Variants in CRYM observed in about 807,000 individuals in gnomAD.
The protein encoded by CRYM is ketimine reductase mu-crystallin.
In CRYM, 18 loss-of-function variants were observed where a neutral mutation model predicts 32.9. That is an observed-to-expected ratio of 0.55 (90% CI 0.38 to 0.81). The LOEUF (loss-of-function observed/expected upper bound fraction) is 0.81, where lower values mean the gene tolerates loss of function less well. Ranked by LOEUF, CRYM falls within the 30% of genes least tolerant of loss-of-function variation. CRYM has a pLI of 0.00. For synonymous variants in CRYM, 153 were observed against 152.4 expected (o/e 1.00, Z -0.03); for missense variants, 337 against 393.5 (o/e 0.86, Z 1.21).
At chr16:21,264,416 A>G (rs2093360183) in intron 5 of CRYM, among the ~76,000 whole-genome samples, 1 of 152,100 alleles carries the variant, frequency 6.6e-6, no homozygotes, top group African/African-American at 2.4e-5. Context: ...GTAAAGAGAG[A>G]GAAGCCTGAC....
upstream of CRYM, among the ~76,000 whole-genome samples, chr16:21,280,799 T>C (rs2093396707): frequency 6.6e-6 from 1 of 152,156 alleles, no homozygotes; most frequent in East Asian, 1.9e-4. Context: ...TCCCCAGCCC[T>C]GCTCAGAGAA....
At chr16:21,287,231 G>A (rs1458644037) in intron 1 of CRYM, among the ~76,000 whole-genome samples, 1 of 152,134 alleles carries the variant, frequency 6.6e-6, no homozygotes, top group Admixed American at 6.5e-5. Context: ...TTTACTCAAA[G>A]TGATAATTCA....
intron 1 of CRYM, among the ~76,000 whole-genome samples, chr16:21,301,718 C>A (rs1029218720): frequency 6.6e-6 from 1 of 152,228 alleles, no homozygotes; most frequent in Non-Finnish European, 1.5e-5. Flanking sequence ...GCGCACTGCG[C>A]GCCCCCAGCC....
At chr16:21,287,859 A>C (rs1439504258) in intron 1 of CRYM, among the ~76,000 whole-genome samples, 2 of 152,152 alleles carry the variant, frequency 1.3e-5, no homozygotes, top group Non-Finnish European at 2.9e-5. Context: ...TAGTTCTGTG[A>C]GTTGTTTTTA....
At chr16:21,296,375 G>T (rs1316833693) in intron 1 of CRYM, among the ~76,000 whole-genome samples, 1 of 152,172 alleles carries the variant, frequency 6.6e-6, no homozygotes, top group Non-Finnish European at 1.5e-5. Flanking sequence ...ACTTGTCAGG[G>T]AGAAATAAGG....
chr16:21,301,925 C>T (rs1960952428), intron 1 of CRYM, among the ~76,000 whole-genome samples: 1 of 152,200 alleles, frequency 6.6e-6, no homozygotes, highest in Non-Finnish European at 1.5e-5. Context: ...CCTTCTTCTG[C>T]CGGCGTCCCC....
At chr16:21,271,113 A>G (rs1303808124) in intron 3 of CRYM, among the ~76,000 whole-genome samples, 1 of 152,182 alleles carries the variant, frequency 6.6e-6, no homozygotes, top group East Asian at 1.9e-4. Context: ...GGGCTGGACA[A>G]TTCTTTATTG....
At position 21,278,177 on chromosome 16, in the gene CRYM, C is replaced by A. The variant is rs770671495; in HGVS notation, c.75G>T (p.Pro25=). The A allele has an allele frequency of 6.4e-7, 1 of 1,553,442 alleles. No individual in the cohort carries two copies. Among genetic ancestry groups the A allele is most frequent in the Admixed American group, 1.9e-5 (1 of 51,474 alleles). Reference sequence around the variant, plus strand: ...AGTTGGCCAGGGCCGTCTCTAGAGGCGGGATGAGGAGGCTGGAGCTGCGGA... The same window carrying A: ...AGTTGGCCAGGGCCGTCTCTAGAGGAGGGATGAGGAGGCTGGAGCTGCGGA... The part of the protein sequence containing the change: ...EHLRSSSLLI[P]PLETALANFS... Residue 25 remains proline, a synonymous_variant, in exon 1 of 8, where the codon CCG becomes CCT. Transcript: ENST00000572914.
At chr16:21,279,899 GAGAA>G (rs1298125837), upstream of CRYM, among the ~76,000 whole-genome samples, 1 of 152,172 alleles carries the variant, frequency 6.6e-6, no homozygotes, top group African/African-American at 2.4e-5. Context: ...AACACTGAGA[GAGAA>G]AGAGAGAGAG....
chr16:21,287,894 A>G (rs1001932233), intron 1 of CRYM, among the ~76,000 whole-genome samples: 35 of 152,340 alleles, frequency 2.3e-4, no homozygotes, highest in Non-Finnish European at 4.3e-4. Flanking sequence ...CAGAGGAACA[A>G]TTGTGGGAGT....
intron 5 of CRYM, among the ~76,000 whole-genome samples, chr16:21,266,736 C>A (rs1239346928): frequency 2.6e-5 from 4 of 152,180 alleles, no homozygotes; most frequent in African/African-American, 9.7e-5. Flanking sequence ...CGTAGTGGCT[C>A]ATACTTGTAA....
chr16:21,272,249 C>G (rs982336492), intron 3 of CRYM, among the ~76,000 whole-genome samples: 5 of 152,124 alleles, frequency 3.3e-5, no homozygotes, highest in Admixed American at 2.0e-4. Context: ...TTATTAAGTA[C>G]ACGTATATGA....
At chr16:21,278,958 T>TA (rs1264230450), upstream of CRYM, 6 of 152,240 alleles carry the variant, frequency 3.9e-5, no homozygotes, top group Admixed American at 1.3e-4. Context: ...CAGGAGTTTT[T>TA]ACCTGAGATG....
At chr16:21,272,436 T>C (rs2093377514) in intron 3 of CRYM, among the ~76,000 whole-genome samples, 1 of 152,192 alleles carries the variant, frequency 6.6e-6, no homozygotes, top group African/African-American at 2.4e-5. Flanking sequence ...CAAGCTCATG[T>C]ACTTCCTTCA....
At chr16:21,280,177 C>T (rs1374214232), upstream of CRYM, among the ~76,000 whole-genome samples, 5 of 152,012 alleles carry the variant, frequency 3.3e-5, no homozygotes, top group African/African-American at 7.3e-5. Flanking sequence ...GTGAGGAGTT[C>T]GAGACCAGCC....
At chr16:21,265,115 T>C (rs2093361465) in intron 5 of CRYM, among the ~76,000 whole-genome samples, 2 of 152,180 alleles carry the variant, frequency 1.3e-5, no homozygotes, top group Non-Finnish European at 2.9e-5. Context: ...CATTTCACCA[T>C]GAACTGGTTC....
chr16:21,263,089 G>T (rs1432779496), intron 5 of CRYM, among the ~76,000 whole-genome samples: 1 of 152,036 alleles, frequency 6.6e-6, no homozygotes, highest in Non-Finnish European at 1.5e-5. Flanking sequence ...GCCCAGGCTG[G>T]AGTGTAGTGG....
At position 21,261,336 on chromosome 16, in the gene CRYM, G is replaced by C. The variant is rs750689784; in HGVS notation, c.798C>G (p.Ala266=). The C allele has an allele frequency of 6.2e-7, 1 of 1,613,616 alleles. No homozygotes were observed. Among genetic ancestry groups the C allele is most frequent in the African/African-American group, 1.3e-5 (1 of 74,786 alleles). The change falls in exon 7 of 8, where the codon GCC becomes GCG. Residue 266 remains alanine (A), a splice_region_variant and synonymous_variant. Coordinates refer to ENST00000572914, the MANE Select transcript of CRYM (RefSeq NM_001376256.1). ...KESGDVLLSG[A]EIFAELGEVI... ...CTTCTCCCAGCTCAGCAAAGATCTCGGCCTAGGAAACAAACATACGCTGAC... is the reference window on the plus strand; with the variant it reads ...CTTCTCCCAGCTCAGCAAAGATCTCCGCCTAGGAAACAAACATACGCTGAC...
chr16:21,296,761 A>T (rs373429634), intron 1 of CRYM, among the ~76,000 whole-genome samples: 10 of 152,234 alleles, frequency 6.6e-5, no homozygotes, highest in African/African-American at 2.4e-4. Context: ...CTGTAATCCC[A>T]GCACTTTGGG....
Sources: allele counts gnomAD v4.1 joint callset (sites outside exome capture counted in the v4.1 genomes callset), GRCh38; gene constraint gnomAD v4.1.1; transcripts MANE v1.5; gene names NCBI Gene and HGNC (gene_info 2026-07-23, HGNC 2026-07-21).